DGKB: variants seen among roughly 807,000 people sequenced by gnomAD.
The protein encoded by DGKB is 90 kDa diacylglycerol kinase.
Under a neutral mutation model 114.3 loss-of-function variants are expected in DGKB, and 67 were observed. That is an observed-to-expected ratio of 0.59 (90% CI 0.48 to 0.72). The LOEUF (loss-of-function observed/expected upper bound fraction) is 0.72, where lower values mean the gene tolerates loss of function less well. DGKB is among the 30% of genes least tolerant of loss of function. DGKB has a pLI of 0.00. For synonymous variants in DGKB, 398 were observed against 323.1 expected (o/e 1.23, Z -2.49); for missense variants, 907 against 975.2 (o/e 0.93, Z 0.93).
intron 1 of DGKB, among the ~76,000 whole-genome samples, chr7:14,918,924 G>A (rs928892127): frequency 2.0e-5 from 3 of 151,834 alleles, no homozygotes; most frequent in African/African-American, 7.3e-5. Context: ...TTAGCCGGGC[G>A]TGGTGGCAGG....
chr7:14,673,070 A>G (rs1195960818), intron 12 of DGKB, 43 bp from the exon 13 acceptor site: 3 of 1,103,964 alleles, frequency 2.7e-6, no homozygotes, highest in Non-Finnish European at 4.1e-6. Context: ...TCTACATGAC[A>G]ACGCCTAACA....
chr7:14,852,487 C>CAAAAACAAAACAACAAAAAA (rs1554304205), intron 1 of DGKB, among the ~76,000 whole-genome samples: 6 of 63,636 alleles, frequency 9.4e-5, no homozygotes, highest in Non-Finnish European at 1.5e-4. Context: ...TAGTGAAAGT[C>CAAAAACAAAACAACAAAAAA]AAAAAAAAAA....
At chr7:14,603,359 A>C (rs1028246541) in intron 17 of DGKB, among the ~76,000 whole-genome samples, 1 of 152,094 alleles carries the variant, frequency 6.6e-6, no homozygotes, top group Non-Finnish European at 1.5e-5. Flanking sequence ...GCTCAATTAA[A>C]TTTTGATGAA....
At chr7:14,442,982 C>T (rs1830270922) in intron 21 of DGKB, among the ~76,000 whole-genome samples, 1 of 152,082 alleles carries the variant, frequency 6.6e-6, no homozygotes, top group Non-Finnish European at 1.5e-5. Context: ...ATGTGGTTTA[C>T]CTGATAATTC....
chr7:14,727,290 T>C (rs1396552191), intron 5 of DGKB, among the ~76,000 whole-genome samples: 3 of 152,136 alleles, frequency 2.0e-5, no homozygotes, highest in South Asian at 2.1e-4. Flanking sequence ...AAGTCTAACA[T>C]ATTAAAAACC....
chr7:14,739,513 A>T (rs1464875755), intron 4 of DGKB, among the ~76,000 whole-genome samples: 2 of 152,116 alleles, frequency 1.3e-5, no homozygotes, highest in African/African-American at 4.8e-5. Flanking sequence ...TTCTCTTAAT[A>T]ACTTCCACCC....
At chr7:14,260,482 G>T (rs2128411087) in intron 23 of DGKB, among the ~76,000 whole-genome samples, 1 of 152,290 alleles carries the variant, frequency 6.6e-6, no homozygotes, top group East Asian at 1.9e-4. Flanking sequence ...AATAAACTCA[G>T]ACCTCAATAA....
At chr7:14,789,508 G>C (rs1157501872) in intron 2 of DGKB, among the ~76,000 whole-genome samples, 1 of 152,006 alleles carries the variant, frequency 6.6e-6, no homozygotes, top group African/African-American at 2.4e-5. Context: ...AGACTATCTG[G>C]GTTGTTTTCA....
At chr7:14,657,267 C>T (rs1331383936) in intron 13 of DGKB, among the ~76,000 whole-genome samples, 3 of 148,006 alleles carry the variant, frequency 2.0e-5, no homozygotes, top group Non-Finnish European at 3.0e-5. Context: ...AGAATGTAAT[C>T]CTACACATTT....
At chr7:14,586,769 A>C (rs1486246368) in intron 17 of DGKB, among the ~76,000 whole-genome samples, 1 of 151,940 alleles carries the variant, frequency 6.6e-6, no homozygotes, top group African/African-American at 2.4e-5. Flanking sequence ...TGCACTATAA[A>C]TGGTGGAACA....
At chr7:14,497,238 T>C (rs73285817) in intron 20 of DGKB, among the ~76,000 whole-genome samples, 11 of 151,780 alleles carry the variant, frequency 7.2e-5, no homozygotes, top group Non-Finnish European at 1.3e-4. Context: ...TTGCATATGA[T>C]GTAAACTATT....
At chr7:14,476,031 C>CT (rs1782116336) in intron 21 of DGKB, among the ~76,000 whole-genome samples, 1 of 151,846 alleles carries the variant, frequency 6.6e-6, no homozygotes, top group African/African-American at 2.4e-5. Flanking sequence ...CTTTAATGAA[C>CT]TTTTTTATGT....
chr7:14,676,226 T>A (rs1171145211), intron 12 of DGKB, among the ~76,000 whole-genome samples: 2 of 152,116 alleles, frequency 1.3e-5, no homozygotes, highest in Admixed American at 1.3e-4. Context: ...GATCAGGTAC[T>A]GCTTACAGAA....
intron 21 of DGKB, among the ~76,000 whole-genome samples, chr7:14,354,886 T>C (rs1188184563): frequency 2.0e-5 from 3 of 152,188 alleles, no homozygotes; most frequent in African/African-American, 7.2e-5. Flanking sequence ...AATAAGAGCC[T>C]GACCATTTCT....
At chr7:14,486,013 G>T (rs1399863946) in intron 20 of DGKB, among the ~76,000 whole-genome samples, 1 of 152,010 alleles carries the variant, frequency 6.6e-6, no homozygotes, top group Non-Finnish European at 1.5e-5. Flanking sequence ...TTTATAATTA[G>T]AATCCAGTTC....
At chr7:14,625,505 G>A (rs1471953826) in intron 14 of DGKB, among the ~76,000 whole-genome samples, 1 of 137,540 alleles carries the variant, frequency 7.3e-6, no homozygotes, top group Non-Finnish European at 1.6e-5. Context: ...AATTACCAAT[G>A]TTGAAGTTAT....
intron 1 of DGKB, among the ~76,000 whole-genome samples, chr7:14,931,849 C>CG (rs1554347553): frequency 7.1e-6 from 1 of 141,332 alleles, no homozygotes; most frequent in Non-Finnish European, 1.6e-5. Context: ...CGGGGTGGGT[C>CG]GGGGGGTGGG....
intron 23 of DGKB, chr7:14,209,209 C>A: frequency 1.8e-5 from 5 of 274,556 alleles, no homozygotes; most frequent in South Asian, 6.6e-5. Flanking sequence ...AAACCATCAC[C>A]ATTCATCAAT....
At chr7:14,515,307 C>G (rs1302105510) in intron 20 of DGKB, among the ~76,000 whole-genome samples, 2 of 152,050 alleles carry the variant, frequency 1.3e-5, no homozygotes, top group African/African-American at 4.8e-5. Context: ...ATGGCAGATT[C>G]TGTGATTATT....
Sources: allele counts gnomAD v4.1 joint callset (sites outside exome capture counted in the v4.1 genomes callset), GRCh38; gene constraint gnomAD v4.1.1; transcripts MANE v1.5; gene names NCBI Gene and HGNC (gene_info 2026-07-23, HGNC 2026-07-21).